The following SLC10A7 variants were observed in gnomAD, a reference collection of about 807,000 sequenced individuals.
The protein encoded by SLC10A7 is solute carrier family 10 member 7.
In SLC10A7, 29 loss-of-function variants were observed where a neutral mutation model predicts 43.2. The ratio of observed to expected loss-of-function variants is 0.67; its 90% confidence interval spans 0.50 to 0.92. The LOEUF is 0.92. SLC10A7 is among the 40% of genes least tolerant of loss of function. The pLI, the probability that SLC10A7 is intolerant of heterozygous loss-of-function variation, is 0.00. For missense variants in SLC10A7, 295 were observed against 403.2 expected (o/e 0.73, Z 2.30); for synonymous variants, 152 against 144.8 (o/e 1.05, Z -0.35).
chr4:146,438,627 A>G (rs976329770), intron 5 of SLC10A7, among the ~76,000 whole-genome samples: 1 of 152,046 alleles, frequency 6.6e-6, no homozygotes, highest in Non-Finnish European at 1.5e-5. Context: ...AAATAATAAA[A>G]TAGGCTGAGG....
chr4:146,268,084 C>T (rs1728675174), intron 10 of SLC10A7, among the ~76,000 whole-genome samples: 1 of 152,158 alleles, frequency 6.6e-6, no homozygotes, highest in Non-Finnish European at 1.5e-5. Context: ...GCTGCACAAA[C>T]TGGACCTAAA....
intron 5 of SLC10A7, among the ~76,000 whole-genome samples, chr4:146,429,210 T>C (rs998804642): frequency 6.6e-6 from 1 of 152,164 alleles, no homozygotes; most frequent in African/African-American, 2.4e-5. Flanking sequence ...AAGAAAAATT[T>C]GGTAGACAGA....
intron 5 of SLC10A7, among the ~76,000 whole-genome samples, chr4:146,350,451 G>C (rs1216579720): frequency 7.1e-6 from 1 of 141,032 alleles, no homozygotes; most frequent in Non-Finnish European, 1.5e-5. Flanking sequence ...AGCGAGGCTG[G>C]GGGAGGGGCG....
chr4:146,456,750 C>T (rs1485738663), intron 4 of SLC10A7, among the ~76,000 whole-genome samples: 1 of 151,888 alleles, frequency 6.6e-6, no homozygotes, highest in African/African-American at 2.4e-5. Context: ...TCACGGATCA[C>T]ATGATTGAAT....
chr4:146,477,245 C>A (rs1734105031), intron 4 of SLC10A7, among the ~76,000 whole-genome samples: 1 of 152,196 alleles, frequency 6.6e-6, no homozygotes. Flanking sequence ...CGCTTAAAAG[C>A]TCTAAAGCTG....
In SLC10A7 at chr4:146,386,359, T is replaced by A. The variant is rs1294690639; in HGVS notation, c.435+56424A>T. On this transcript the variant is annotated intron_variant, in intron 5 of 11. Coordinates refer to ENST00000335472, the MANE Select transcript of SLC10A7 (RefSeq NM_001029998.6). ...GATGCCCTCAACTTAAAAAAAAATG[T>A]TTTTAAACGTACAGAAAAGTTGCTA... Among the ~76,000 whole-genome samples, 3 of 152,148 alleles carry A rather than the reference T, an allele frequency of 2.0e-5. No homozygotes were observed. The East Asian group carries it at 5.8e-4, about 29-fold the overall frequency.
intron 4 of SLC10A7, among the ~76,000 whole-genome samples, chr4:146,490,058 T>A (rs555495133): frequency 6.6e-6 from 1 of 152,076 alleles, no homozygotes; most frequent in East Asian, 1.9e-4. Context: ...GATGATGACA[T>A]CAAACCAAGA....
At chr4:146,430,700 A>G (rs1343505940) in intron 5 of SLC10A7, among the ~76,000 whole-genome samples, 3 of 152,150 alleles carry the variant, frequency 2.0e-5, no homozygotes, top group Non-Finnish European at 4.4e-5. Flanking sequence ...GCAAAAAAGA[A>G]AGCTATAAGC....
chr4:146,499,376 C>A (rs754604325), intron 4 of SLC10A7, among the ~76,000 whole-genome samples: 8 of 152,150 alleles, frequency 5.3e-5, no homozygotes, highest in Admixed American at 2.0e-4. Flanking sequence ...TGACAGTGGG[C>A]CCAGCTTGTG....
intron 4 of SLC10A7, among the ~76,000 whole-genome samples, chr4:146,499,321 G>A: frequency 1.3e-5 from 2 of 152,160 alleles, no homozygotes; most frequent in East Asian, 3.9e-4. Flanking sequence ...AGGCAGAGCA[G>A]AGAATCACAG....
intron 10 of SLC10A7, among the ~76,000 whole-genome samples, chr4:146,279,142 T>C (rs928777504): frequency 6.6e-6 from 1 of 152,202 alleles, no homozygotes; most frequent in Non-Finnish European, 1.5e-5. Context: ...TTTGGAGTCT[T>C]GCCATTGACT....
At position 146,326,931 on chromosome 4, in the gene SLC10A7, C is replaced by CAT. The variant is rs1560801288; in HGVS notation, c.436-936_436-935insAT. ...AGAGAGGGACAGACACACACACACA[C>CAT]ACACACACACACACACACACACACA... On this transcript the variant is annotated intron_variant, in intron 5 of 11. Transcript: ENST00000335472. Among the ~76,000 whole-genome samples, 597 of 92,518 alleles carry CAT rather than the reference C, an allele frequency of 6.5e-3. 4 individuals are homozygous for CAT. Among genetic ancestry groups the CAT allele is most frequent in the African/African-American group, 0.031 (560 of 18,310 alleles). 60.7% of individuals were successfully genotyped at this position (92,518 alleles called of 152,430 possible).
chr4:146,289,717 T>G (rs938098868), intron 9 of SLC10A7, among the ~76,000 whole-genome samples: 8 of 138,002 alleles, frequency 5.8e-5, no homozygotes, highest in East Asian at 4.2e-4. Flanking sequence ...TTTTTTTTTT[T>G]TTTTTTTTTT....
intron 6 of SLC10A7, among the ~76,000 whole-genome samples, chr4:146,321,417 T>G (rs549714625): frequency 6.6e-6 from 1 of 152,200 alleles, no homozygotes; most frequent in East Asian, 1.9e-4. Context: ...CTTATTTGAT[T>G]CAGGGCCCAC....
chr4:146,349,359 C>T (rs1174700382), intron 5 of SLC10A7, among the ~76,000 whole-genome samples: 2 of 152,124 alleles, frequency 1.3e-5, no homozygotes, highest in East Asian at 3.9e-4. Context: ...TAAAAAACAA[C>T]AGTTGATGGT....
At chr4:146,518,907 A>T (rs1202749229) in intron 1 of SLC10A7, among the ~76,000 whole-genome samples, 1 of 151,092 alleles carries the variant, frequency 6.6e-6, no homozygotes, top group Non-Finnish European at 1.5e-5. Flanking sequence ...TTTCTGTTGT[A>T]CTGAGCCACC....
rs988722101 is a variant in SLC10A7 at position 146,254,328 on chromosome 4, G to A, written c.*2163C>T. ...ATAAATACATTTAGACAAAACAAAT[G>A]CATAAAACAGATAGCTTTACAGTGT... On this transcript the variant is annotated 3_prime_UTR_variant, in exon 12 of 12. Transcript: ENST00000335472. 2 of 151,414 alleles carry A rather than the reference G, an allele frequency of 1.3e-5. No homozygotes were observed. The highest frequency in any genetic ancestry group is 4.9e-5 in the African/African-American group (2 of 41,172). 9.4% of individuals were successfully genotyped at this position (151,414 alleles called of 1,614,324 possible).
chr4:146,399,168 C>G (rs752901822), intron 5 of SLC10A7, among the ~76,000 whole-genome samples: 2 of 151,826 alleles, frequency 1.3e-5, no homozygotes, highest in Non-Finnish European at 2.9e-5. Context: ...GTTCTAGACA[C>G]AGGGGGTGGC....
intron 5 of SLC10A7, among the ~76,000 whole-genome samples, chr4:146,415,008 T>C (rs1728468132): frequency 6.6e-6 from 1 of 152,090 alleles, no homozygotes; most frequent in Non-Finnish European, 1.5e-5. Flanking sequence ...AATAATTCAA[T>C]GGATATTCAA....
Sources: allele counts gnomAD v4.1 joint callset (sites outside exome capture counted in the v4.1 genomes callset), GRCh38; gene constraint gnomAD v4.1.1; transcripts MANE v1.5; gene names NCBI Gene and HGNC (gene_info 2026-07-23, HGNC 2026-07-21).